Variants in KPNB1 observed in about 807,000 individuals in gnomAD.
KPNB1 encodes the protein karyopherin subunit beta 1, also known as importin subunit beta-1.
In KPNB1, 7 loss-of-function variants were observed where a neutral mutation model predicts 113.0. The ratio of observed to expected loss-of-function variants is 0.06; its 90% CI spans 0.04 to 0.12. The LOEUF (loss-of-function observed/expected upper bound fraction) is 0.12. Ranked by LOEUF, KPNB1 falls within the 10% of genes least tolerant of loss-of-function variation. The pLI is 1.00. For synonymous variants in KPNB1, 363 were observed against 378.6 expected, an observed-to-expected ratio of 0.96 and a Z score of 0.48; for missense variants, 400 against 1,054.8, an observed-to-expected ratio of 0.38 and a Z score of 8.60.
intron 2 of KPNB1, 78 bp from the exon 3 acceptor site, chr17:47,652,616 T>C: frequency 1.6e-6 from 2 of 1,212,670 alleles, no homozygotes; most frequent in Non-Finnish European, 2.2e-6. Context: ...CCTCTGGTGG[T>C]TCAGTGCTCT....
At position 47,683,911 on chromosome 17, in the gene KPNB1, A is replaced by C. The variant is rs1293989378; in HGVS notation, c.*1507A>C. ...TGATGTGGTATGATTACCATAAATC[A>C]GACTTAATTATTTTCCCTTTTACAA... On this transcript the variant is annotated 3_prime_UTR_variant, in exon 22 of 22. Coordinates refer to ENST00000290158, the MANE Select transcript of KPNB1 (RefSeq NM_002265.6). 6.6e-6 allele frequency: 1 copy of C among 152,286 alleles called. No individual in the cohort carries two copies. Among genetic ancestry groups the C allele is most frequent in the Non-Finnish European group, 1.5e-5 (1 of 68,044 alleles). 9.4% of individuals were successfully genotyped at this position (152,286 alleles called of 1,614,324 possible). A position where few individuals can be genotyped will look rare whatever the true frequency, so the allele number is the denominator to read the frequency against.
rs1417069636 is a variant in KPNB1 at position 47,650,368 on chromosome 17, C to T, written c.41-18C>T. On this transcript the variant is annotated intron_variant, in intron 1 of 21. Transcript: ENST00000290158. The stretch of plus-strand genomic sequence containing the variant: ...GGCCCCTCTGACCCCGCTCCGTCTC[C>T]CACTTTCCTCCCCCTAGATCGGCTG... 4 of 1,611,644 alleles carry T rather than the reference C, an allele frequency of 2.5e-6. No homozygotes were observed. The highest frequency in any genetic ancestry group is 8.5e-7 in the Non-Finnish European group (1 of 1,179,340).
chr17:47,681,686 G>GTTTTTTTTTTTTTTTTTTTTTTT (rs59222945), intron 21 of KPNB1, among the ~76,000 whole-genome samples: 4 of 96,034 alleles, frequency 4.2e-5, no homozygotes, highest in Non-Finnish European at 5.7e-5. Flanking sequence ...GGAATTATAG[G>GTTTTTTTTTTTTTTTTTTTTTTT]TTTTTTTTTT....
intron 10 of KPNB1, among the ~76,000 whole-genome samples, chr17:47,668,990 T>C (rs2030371654): frequency 7.0e-6 from 1 of 143,238 alleles, no homozygotes; most frequent in Admixed American, 7.4e-5. Flanking sequence ...GAGTTTGTTA[T>C]AGTTGAGTTT....
intron 9 of KPNB1, among the ~76,000 whole-genome samples, chr17:47,666,894 G>A (rs1014062623): frequency 1.3e-5 from 2 of 152,020 alleles, no homozygotes; most frequent in African/African-American, 2.4e-5. Flanking sequence ...TGGGATTACA[G>A]GCATGAGCCA....
chr17:47,672,886 T>C, intron 12 of KPNB1, 132 bp from the exon 13 acceptor site: 1 of 684,386 alleles, frequency 1.5e-6, no homozygotes, highest in Non-Finnish European at 2.3e-6. Flanking sequence ...TTCTTGGATA[T>C]TGTGTTTTCA....
In KPNB1 at chr17:47,670,694, C is replaced by T. The variant is rs2030419108; in HGVS notation, c.1417-8C>T. On this transcript the variant is annotated splice_polypyrimidine_tract_variant and splice_region_variant and intron_variant, in intron 11 of 21. Transcript: ENST00000290158. ...TCAGGATTAACATTGAACCTATGTG[C>T]ATTTCAGGCTTTCTCCAGTCTGGCT... 6.2e-7 allele frequency: 1 copy of T among 1,605,794 alleles called. No individual in the cohort carries two copies. The highest frequency in any genetic ancestry group is 1.1e-5 in the South Asian group (1 of 90,790).
At chr17:47,656,780 C>CATAT in intron 3 of KPNB1, 80 bp from the exon 4 acceptor site, 1 of 1,349,464 alleles carries the variant, frequency 7.4e-7, no homozygotes, top group Non-Finnish European at 1.1e-6. Flanking sequence ...TTCAGAGACA[C>CATAT]TAATATAAGT....
intron 4 of KPNB1, 26 bp downstream of exon 4, chr17:47,657,086 T>C: frequency 6.3e-7 from 1 of 1,583,752 alleles, no homozygotes. Context: ...ATGTATCTGG[T>C]TTATATACCT....
chr17:47,665,192 G>T (rs1182637831), intron 9 of KPNB1, 34 bp downstream of exon 9: 1 of 1,514,004 alleles, frequency 6.6e-7, no homozygotes, highest in Non-Finnish European at 9.2e-7. Context: ...TAGGTAAGCT[G>T]TGGAACCTTA....
intron 2 of KPNB1, among the ~76,000 whole-genome samples, chr17:47,651,693 C>G (rs1023091180): frequency 2.0e-5 from 3 of 152,184 alleles, no homozygotes; most frequent in African/African-American, 7.2e-5. Flanking sequence ...ATTAATAAAA[C>G]TTTTAAGAAT....
chr17:47,662,870 C>T (rs995913286), intron 6 of KPNB1, among the ~76,000 whole-genome samples: 1 of 151,592 alleles, frequency 6.6e-6, no homozygotes, highest in Non-Finnish European at 1.5e-5. Context: ...GCAACAGGAG[C>T]GGAACTCTGT....
In KPNB1 at chr17:47,680,667, T is replaced by A; in HGVS notation, c.2628T>A (p.Ala876=). 6.2e-7 allele frequency: 1 copy of A among 1,613,586 alleles called. No homozygotes were observed. The highest frequency in any genetic ancestry group is 8.5e-7 in the Non-Finnish European group (1 of 1,179,680). The change falls in exon 21 of 22, where the codon GCT becomes GCA. Residue 876 remains alanine, a splice_region_variant and synonymous_variant. Transcript: ENST00000290158. ...TKELRKLKNQ[A] The stretch of plus-strand genomic sequence containing the variant: ...AACTGAGGAAACTGAAGAACCAAGC[T>A]TGGTAAGATCTTGCCTCCACTGTCC...
intron 16 of KPNB1, 37 bp from the exon 17 acceptor site, chr17:47,676,982 CT>C: frequency 6.5e-7 from 1 of 1,539,910 alleles, no homozygotes; most frequent in Admixed American, 1.7e-5. Context: ...AGCAGGCAGC[CT>C]TTTCTGTTAG....
intron 9 of KPNB1, among the ~76,000 whole-genome samples, chr17:47,666,588 T>C (rs2030292619): frequency 6.9e-6 from 1 of 144,784 alleles, no homozygotes; most frequent in Admixed American, 7.0e-5. Context: ...ATGTACTACA[T>C]ATTATATATA....
In KPNB1 at chr17:47,658,491, T is replaced by C. The variant is rs751375889; in HGVS notation, c.484-17T>C. On this transcript the variant is annotated splice_polypyrimidine_tract_variant and intron_variant, in intron 4 of 21. Transcript: ENST00000290158. ...AGGGCTGACTGTATATTCATTGCAC[T>C]TCTCTGCTTGTTACAGGACCCAGAG... The C allele has an allele frequency of 1.2e-6, 2 of 1,609,384 alleles. No individual in the cohort carries two copies. The highest frequency in any genetic ancestry group is 1.7e-6 in the Non-Finnish European group (2 of 1,178,894).
rs553285011 is a variant in KPNB1 at position 47,684,730 on chromosome 17, A to G, written c.*2326A>G. On this transcript the variant is annotated 3_prime_UTR_variant, in exon 22 of 22. Transcript: ENST00000290158. ...AAGCAGTTGATGAGTGCTGTTACTAATGCTTTCTCCCAGATCCATTCAGTG... is the reference window on the plus strand; with the variant it reads ...AAGCAGTTGATGAGTGCTGTTACTAGTGCTTTCTCCCAGATCCATTCAGTG... 8.2e-4 allele frequency: 125 copies of G among 152,506 alleles called. No individual in the cohort carries two copies. The highest frequency in any genetic ancestry group is 1.4e-3 in the Non-Finnish European group (96 of 68,050). 9.4% of individuals were successfully genotyped at this position (152,506 alleles called of 1,614,324 possible). A position where few individuals can be genotyped will look rare whatever the true frequency, so the allele number is the denominator to read the frequency against.
chr17:47,670,750 G>T lies in KPNB1; in HGVS notation c.1465G>T (p.Asp489Tyr). 1 of 1,613,492 alleles carries T rather than the reference G, an allele frequency of 6.2e-7. No individual in the cohort carries two copies. The change falls in exon 12 of 22, where the codon GAT becomes TAT. Residue 489 changes from aspartate (D) to tyrosine (Y), a missense_variant. Asp to Tyr is a radical substitution (Grantham distance 160). Coordinates refer to ENST00000290158, the MANE Select transcript of KPNB1 (RefSeq NM_002265.6). Reference sequence around the variant, plus strand: ...TGCTTATGAAGCTGCAGACGTTGCTGATGATCAGGAAGAACCAGCTACTTA... The same window carrying T: ...TGCTTATGAAGCTGCAGACGTTGCTTATGATCAGGAAGAACCAGCTACTTA... ...EAAYEAADVADDQEEPATYCL... is the reference protein window; with the variant it reads ...EAAYEAADVAYDQEEPATYCL...
intron 19 of KPNB1, 80 bp downstream of exon 19, chr17:47,678,493 C>T: frequency 2.0e-6 from 2 of 981,626 alleles, no homozygotes; most frequent in Non-Finnish European, 3.2e-6. Flanking sequence ...CATTCTGTAG[C>T]TCGCTTGTGA....
Sources: gnomAD v4.1 joint callset for allele counts (sites outside exome capture counted in the v4.1 genomes callset) on GRCh38, gnomAD v4.1.1 for gene constraint, MANE v1.5 for transcripts, NCBI Gene and HGNC (gene_info 2026-07-23, HGNC 2026-07-21) for gene names.